Variants in ASPSCR1 observed in about 807,000 individuals in gnomAD.
ASPSCR1 encodes the protein tether containing UBX domain for GLUT4.
In ASPSCR1, 55 loss-of-function variants were observed where a neutral mutation model predicts 68.9. That is an observed-to-expected ratio of 0.80 (90% CI 0.64 to 1.00). The LOEUF (loss-of-function observed/expected upper bound fraction) is 1.00, where lower values mean the gene tolerates loss of function less well. Ranked by LOEUF, ASPSCR1 falls within the 50% of genes least tolerant of loss-of-function variation. The pLI, the probability that ASPSCR1 is intolerant of heterozygous loss-of-function variation, is 0.00. For missense variants in ASPSCR1, 765 were observed against 762.2 expected (o/e 1.00, Z -0.04); for synonymous variants, 352 against 332.6 (o/e 1.06, Z -0.63).
At chr17:82,012,000 GA>G (rs2042964209) in intron 11 of ASPSCR1, 3 of 650,920 alleles carry the variant, frequency 4.6e-6, no homozygotes, top group Non-Finnish European at 8.3e-6. Flanking sequence ...ACTGCAAGGG[GA>G]GCCGGGCTGC....
In ASPSCR1 at chr17:82,017,404, C is replaced by T. The variant is rs1173999921; in HGVS notation, c.*82C>T. On this transcript the variant is annotated 3_prime_UTR_variant, in exon 16 of 16. Coordinates refer to ENST00000306739, the MANE Select transcript of ASPSCR1 (RefSeq NM_024083.4). ...CAGGAATAAAGACTTGTGCATCCCT[C>T]AACGCCTTCCTGTCATGCTTCCTCC... is the stretch of plus-strand genomic sequence containing the variant. 1.3e-6 allele frequency: 2 copies of T among 1,590,552 alleles called. No individual in the cohort carries two copies. The highest frequency in any genetic ancestry group is 1.7e-6 in the Non-Finnish European group (2 of 1,163,724).
chr17:82,010,085 TTG>T, intron 9 of ASPSCR1: 4 of 276,470 alleles, frequency 1.4e-5, no homozygotes, highest in Non-Finnish European at 2.1e-5. Context: ...CTAATTTTTG[TTG>T]TTTTTTTTTT....
At chr17:81,985,413 G>A in intron 3 of ASPSCR1, 94 bp from the exon 4 acceptor site, 4 of 1,357,228 alleles carry the variant, frequency 2.9e-6, no homozygotes, top group South Asian at 1.2e-5. Context: ...GGGCGGGGCA[G>A]TCACCCTCTC....
At chr17:82,010,992 G>T (rs1470909817) in intron 10 of ASPSCR1, 124 bp downstream of exon 10, 2 of 1,181,942 alleles carry the variant, frequency 1.7e-6, no homozygotes, top group Non-Finnish European at 2.4e-6. Flanking sequence ...CACTGGGTGG[G>T]TGCGGGTGCT....
chr17:82,009,719 C>T, intron 9 of ASPSCR1, 152 bp downstream of exon 9: 1 of 597,952 alleles, frequency 1.7e-6, no homozygotes, highest in Non-Finnish European at 2.9e-6. Flanking sequence ...AGGCACAGCT[C>T]TGAGCGGGCC....
At position 81,985,531 on chromosome 17, in the gene ASPSCR1, G is replaced by A. The variant is rs372862837; in HGVS notation, c.298G>A (p.Asp100Asn). The A allele has an allele frequency of 7.6e-5, 122 of 1,613,940 alleles. No individual in the cohort carries two copies. The highest frequency in any genetic ancestry group is 2.2e-4 in the Admixed American group (13 of 60,008). Residue 100 changes from aspartate (D) to asparagine (N), a missense_variant, in exon 4 of 16, where the codon GAT (aspartate) becomes AAT (asparagine). Asp to Asn is a conservative substitution (Grantham distance 23). Transcript: ENST00000306739. ...NMVRIALQLD[D>N]GSRLQDSFCS... ...GGTTCGCATCGCTTTGCAGCTGGACGATGGCTCGAGGTTGCAGGACTCTTT... is the reference window on the plus strand; with the variant it reads ...GGTTCGCATCGCTTTGCAGCTGGACAATGGCTCGAGGTTGCAGGACTCTTT...
chr17:81,996,872 C>T (rs766786537), intron 7 of ASPSCR1, 26 bp downstream of exon 7: 2 of 1,550,964 alleles, frequency 1.3e-6, no homozygotes, highest in Non-Finnish European at 1.7e-6. Flanking sequence ...GGCCTTGGGA[C>T]TTGGGGGTGT....
At chr17:82,010,918 G>C (rs756720633) in intron 10 of ASPSCR1, 50 bp downstream of exon 10, 3 of 1,584,044 alleles carry the variant, frequency 1.9e-6, no homozygotes, top group Non-Finnish European at 2.6e-6. Context: ...GGCCCATGGG[G>C]CCTCTCCCGG....
chr17:82,001,452 C>CT (rs1033210838), intron 7 of ASPSCR1, among the ~76,000 whole-genome samples: 7 of 152,318 alleles, frequency 4.6e-5, no homozygotes, highest in African/African-American at 1.7e-4. Flanking sequence ...GGGGCACAGC[C>CT]TGTGGCCTTG....
At chr17:82,003,048 C>T (rs1160295694) in intron 7 of ASPSCR1, among the ~76,000 whole-genome samples, 1 of 151,510 alleles carries the variant, frequency 6.6e-6, no homozygotes, top group African/African-American at 2.4e-5. Context: ...GAGTTTTCAT[C>T]ATGTTGACAG....
intron 12 of ASPSCR1, 103 bp downstream of exon 12, chr17:82,012,386 G>A: frequency 7.2e-7 from 1 of 1,382,762 alleles, no homozygotes; most frequent in Admixed American, 1.8e-5. Flanking sequence ...GGCAGGCGCT[G>A]GGGCAGGATA....
At position 82,016,960 on chromosome 17, in the gene ASPSCR1, G is replaced by A. The variant is rs773820877; in HGVS notation, c.1495G>A (p.Gly499Arg). The change falls in exon 15 of 16, where the codon GGG becomes AGG. Residue 499 changes from glycine (G) to arginine (R), a missense_variant. Gly to Arg is a moderately radical substitution (Grantham distance 125). Coordinates refer to ENST00000306739, the MANE Select transcript of ASPSCR1 (RefSeq NM_024083.4). ...CCACAGGTACATGTCCAGGGCCGCC[G>A]GGTCCCCTTCCCCATTGCCAGCCCC... ...LVARYMSRAAGSPSPLPAPDP... is the reference protein window; with the variant it reads ...LVARYMSRAARSPSPLPAPDP... 5.0e-6 allele frequency: 8 copies of A among 1,611,658 alleles called. No individual in the cohort carries two copies. The Admixed American group carries it at 5.0e-5, about 10-fold the overall frequency.
In ASPSCR1 at chr17:81,994,977, G is replaced by A. The variant is rs115284731; in HGVS notation, c.432+99G>A. 572 of 1,276,394 alleles carry A rather than the reference G, an allele frequency of 4.5e-4. 3 individuals carry two copies. In the African/African-American group the frequency reaches 7.6e-3, roughly 17 times the overall value. 79.1% of individuals were successfully genotyped at this position (1,276,394 alleles called of 1,614,324 possible). A position where few individuals can be genotyped will look rare whatever the true frequency, so the allele number is the denominator to read the frequency against. On this transcript the variant is annotated intron_variant, in intron 5 of 15. Transcript: ENST00000306739. ...CCGCAGCCGTCTCCAGGGCAGTGGC[G>A]GGAGACTCGGGCTCTTGAAAGCACG... is the stretch of plus-strand genomic sequence containing the variant.
intron 10 of ASPSCR1, 101 bp from the exon 11 acceptor site, chr17:82,011,442 G>A (rs1463082988): frequency 9.5e-6 from 11 of 1,163,170 alleles, no homozygotes; most frequent in East Asian, 8.0e-5. Context: ...CCACCCCTCG[G>A]GGAAAGGCCC....
chr17:82,012,243 C>T lies in ASPSCR1; in HGVS notation c.1313C>T (p.Pro438Leu), dbSNP rs1407496914. ...ELSFYLFITP[P>L]KTVLDDHTQT... The stretch of plus-strand genomic sequence containing the variant: ...CTTCTCTCCTCAGTCATCACCCCTC[C>T]AAAAACAGTCCTGGACGACCACACG... Residue 438 changes from proline (P) to leucine (L), a missense_variant, in exon 12 of 16, where the codon CCA (proline) becomes CTA (leucine). Pro to Leu is a moderately conservative substitution (Grantham distance 98, BLOSUM62 -3). Transcript: ENST00000306739. The T allele has an allele frequency of 6.2e-7, 1 of 1,613,642 alleles. No homozygotes were observed. Among genetic ancestry groups the T allele is most frequent in the South Asian group, 1.1e-5 (1 of 91,082 alleles).
Position 81,995,975 on chromosome 17 carries a change from G to T in ASPSCR1, c.433-17G>T, listed in dbSNP as rs774092162. The stretch of plus-strand genomic sequence containing the variant: ...TCCCGGTGCAAGGCGCACCTGTCCT[G>T]GCTGCTCCTCCTGCAGGTGACGGGT... On this transcript the variant is annotated splice_polypyrimidine_tract_variant and intron_variant, in intron 5 of 15. Coordinates refer to ENST00000306739, the MANE Select transcript of ASPSCR1 (RefSeq NM_024083.4). The T allele has an allele frequency of 1.9e-6, 3 of 1,606,776 alleles. No homozygotes were observed. The highest frequency in any genetic ancestry group is 2.5e-6 in the Non-Finnish European group (3 of 1,177,860).
chr17:81,996,602 A>G lies in ASPSCR1; in HGVS notation c.689A>G (p.Glu230Gly). The G allele has an allele frequency of 1.2e-6, 2 of 1,611,582 alleles. No individual in the cohort carries two copies. Among genetic ancestry groups the G allele is most frequent in the Non-Finnish European group, 1.7e-6 (2 of 1,178,458 alleles). Residue 230 changes from glutamate to glycine, a missense_variant, in exon 7 of 16, where the codon GAG (glutamate) becomes GGG (glycine). Glu to Gly is a moderately conservative substitution (Grantham distance 98). Coordinates refer to ENST00000306739, the MANE Select transcript of ASPSCR1 (RefSeq NM_024083.4). Reference sequence around the variant, plus strand: ...GGGCCCTGCTGCGAGCACACTCAGGAGAAGCAGAGCACAAGGGCACCCGCA... The same window carrying G: ...GGGCCCTGCTGCGAGCACACTCAGGGGAAGCAGAGCACAAGGGCACCCGCA... ...TSGPCCEHTQ[E>G]KQSTRAPAAA... is the part of the protein sequence containing the mutation.
At chr17:82,007,536 T>C in intron 7 of ASPSCR1, 1 of 152,434 alleles carries the variant, frequency 6.6e-6, no homozygotes. Context: ...ACCACCAGGC[T>C]GTGCCCTGGA....
At chr17:81,995,914 G>C in intron 5 of ASPSCR1, 78 bp from the exon 6 acceptor site, 1 of 1,429,432 alleles carries the variant, frequency 7.0e-7, no homozygotes, top group South Asian at 1.2e-5. Flanking sequence ...GGTCCTGGTG[G>C]TGCCGGTGCC....
Sources: gnomAD v4.1 joint callset for allele counts (sites outside exome capture counted in the v4.1 genomes callset) on GRCh38, gnomAD v4.1.1 for gene constraint, MANE v1.5 for transcripts, NCBI Gene and HGNC (gene_info 2026-07-23, HGNC 2026-07-21) for gene names.